The following DACH1 variants were observed in gnomAD, a reference collection of about 807,000 sequenced individuals.
DACH1 encodes dachshund family transcription factor 1, also known as dachshund homolog 1.
In DACH1, 12 loss-of-function variants were observed where a neutral mutation model predicts 54.2. That is an observed-to-expected ratio of 0.22 (90% CI 0.14 to 0.36). The LOEUF is 0.36. Among genes scored for constraint, DACH1 ranks in the 10% least tolerant of loss-of-function variants. The pLI, the probability that DACH1 is intolerant of heterozygous loss-of-function variation, is 1.00. For missense variants in DACH1, 805 were observed against 929.8 expected, an observed-to-expected ratio of 0.87 and a Z score of 1.75; for synonymous variants, 386 against 366.2, an observed-to-expected ratio of 1.05 and a Z score of -0.62.
At chr13:71,721,521 C>T (rs920950278) in intron 1 of DACH1, among the ~76,000 whole-genome samples, 1 of 152,070 alleles carries the variant, frequency 6.6e-6, no homozygotes, top group South Asian at 2.1e-4. Flanking sequence ...TTAAAAGCAG[C>T]TTGGTTTTAG....
chr13:71,556,989 T>C, intron 6 of DACH1, 35 bp downstream of exon 6: 2 of 1,545,504 alleles, frequency 1.3e-6, no homozygotes, highest in Non-Finnish European at 1.7e-6. Context: ...ATCTATTGAA[T>C]CGGGAAAAAC....
At chr13:71,488,864 G>T (rs917701665) in intron 7 of DACH1, 133 bp downstream of exon 7, 2 of 658,424 alleles carry the variant, frequency 3.0e-6, no homozygotes, top group Non-Finnish European at 4.9e-6. Context: ...TAAAATCTAA[G>T]TTGCTTGAAG....
chr13:71,576,134 C>G (rs940519810), intron 3 of DACH1, among the ~76,000 whole-genome samples: 1 of 151,934 alleles, frequency 6.6e-6, no homozygotes, highest in Admixed American at 6.6e-5. Flanking sequence ...ATTAAGACTG[C>G]AAGAAACAGC....
intron 3 of DACH1, among the ~76,000 whole-genome samples, chr13:71,602,270 A>G (rs1874549675): frequency 6.6e-6 from 1 of 152,074 alleles, no homozygotes; most frequent in East Asian, 1.9e-4. Context: ...AAGTAAATAT[A>G]AAATAAACTG....
intron 3 of DACH1, among the ~76,000 whole-genome samples, chr13:71,625,247 G>A (rs931320562): frequency 6.6e-6 from 1 of 151,986 alleles, no homozygotes; most frequent in Non-Finnish European, 1.5e-5. Context: ...AAGGATTTGA[G>A]GTTCATTAAC....
intron 2 of DACH1, among the ~76,000 whole-genome samples, chr13:71,648,861 C>T (rs1200807459): frequency 6.6e-6 from 1 of 152,070 alleles, no homozygotes; most frequent in African/African-American, 2.4e-5. Context: ...GCCATTTATG[C>T]GTTAGAAGCC....
At chr13:71,595,336 C>G (rs771833977) in intron 3 of DACH1, among the ~76,000 whole-genome samples, 4 of 152,020 alleles carry the variant, frequency 2.6e-5, no homozygotes, top group Non-Finnish European at 2.9e-5. Context: ...TATTATTTCA[C>G]TGATTATGAA....
At chr13:71,655,137 T>C (rs140670292) in intron 2 of DACH1, among the ~76,000 whole-genome samples, 14 of 152,326 alleles carry the variant, frequency 9.2e-5, no homozygotes, top group African/African-American at 3.4e-4. Context: ...CCTTCCCTGA[T>C]GGCTACAGCT....
intron 8 of DACH1, 31 bp from the exon 9 acceptor site, chr13:71,475,880 T>C: frequency 7.0e-7 from 1 of 1,437,866 alleles, no homozygotes; most frequent in Non-Finnish European, 9.2e-7. Context: ...ATTATTATTA[T>C]TATTTTTAAA....
intron 2 of DACH1, among the ~76,000 whole-genome samples, chr13:71,650,559 G>C (rs918389603): frequency 1.3e-5 from 2 of 152,034 alleles, no homozygotes; most frequent in African/African-American, 4.8e-5. Flanking sequence ...GATTTTCAGA[G>C]TATGTGGTAA....
At chr13:71,840,943 T>C (rs948392350) in intron 1 of DACH1, among the ~76,000 whole-genome samples, 2 of 152,180 alleles carry the variant, frequency 1.3e-5, no homozygotes, top group Non-Finnish European at 2.9e-5. Flanking sequence ...CACAAAAAGT[T>C]CTTAGCCTCT....
intron 4 of DACH1, 30 bp from the exon 5 acceptor site, chr13:71,559,985 G>A: frequency 1.4e-5 from 21 of 1,474,114 alleles, no homozygotes; most frequent in Non-Finnish European, 1.9e-5. Context: ...AAGGAGGGTA[G>A]AAAAGATGTT....
At chr13:71,724,932 A>G (rs1040275052) in intron 1 of DACH1, among the ~76,000 whole-genome samples, 7 of 152,144 alleles carry the variant, frequency 4.6e-5, no homozygotes, top group Non-Finnish European at 1.0e-4. Flanking sequence ...ACAACTAACT[A>G]TAACTTTTGG....
At chr13:71,648,876 T>G (rs1878483972) in intron 2 of DACH1, among the ~76,000 whole-genome samples, 1 of 152,130 alleles carries the variant, frequency 6.6e-6, no homozygotes, top group South Asian at 2.1e-4. Flanking sequence ...GAAGCCTCAC[T>G]ACTGAAGGAG....
intron 6 of DACH1, among the ~76,000 whole-genome samples, chr13:71,516,187 AG>A (rs1213703340): frequency 6.6e-6 from 1 of 151,896 alleles, no homozygotes; most frequent in Non-Finnish European, 1.5e-5. Flanking sequence ...TTAGATGTAC[AG>A]AAGTAGATGC....
intron 1 of DACH1, among the ~76,000 whole-genome samples, chr13:71,811,879 T>C (rs924553379): frequency 6.6e-6 from 1 of 152,228 alleles, no homozygotes; most frequent in African/African-American, 2.4e-5. Flanking sequence ...AACTGATTAT[T>C]TTATTGCAAA....
chr13:71,858,218 G>T (rs1874127644), intron 1 of DACH1, among the ~76,000 whole-genome samples: 1 of 151,360 alleles, frequency 6.6e-6, no homozygotes, highest in Non-Finnish European at 1.5e-5. Flanking sequence ...TATTTTGTTT[G>T]CCCTTGAAGA....
At chr13:71,483,317 G>C (rs990659426) in intron 7 of DACH1, among the ~76,000 whole-genome samples, 1 of 146,974 alleles carries the variant, frequency 6.8e-6, no homozygotes, top group Non-Finnish European at 1.5e-5. Context: ...ATTTTGTTGG[G>C]GTTTATGCAA....
chr13:71,781,892 C>A (rs1273581136), intron 1 of DACH1, among the ~76,000 whole-genome samples: 1 of 152,098 alleles, frequency 6.6e-6, no homozygotes, highest in Non-Finnish European at 1.5e-5. Flanking sequence ...GGTTTGTGAA[C>A]CTTTACATAT....
Sources: gnomAD v4.1 joint callset for allele counts (sites outside exome capture counted in the v4.1 genomes callset) on GRCh38, gnomAD v4.1.1 for gene constraint, MANE v1.5 for transcripts, NCBI Gene and HGNC (gene_info 2026-07-23, HGNC 2026-07-21) for gene names.